Variants in TACC2 observed in about 807,000 individuals in gnomAD.
TACC2 encodes transforming acidic coiled-coil containing protein 2.
A neutral mutation model predicts 227.3 loss-of-function variants in TACC2; 137 were observed. That is an observed-to-expected ratio of 0.60 (90% CI 0.52 to 0.69). The LOEUF is 0.69. Among genes scored for constraint, TACC2 ranks in the 30% least tolerant of loss-of-function variants. The probability of loss-of-function intolerance (pLI) is 0.00; values close to 1 mark genes in which losing one functional copy is unlikely to be tolerated. For missense variants in TACC2, 3,470 were observed against 3,694.4 expected, an observed-to-expected ratio of 0.94 and a Z score of 1.57; for synonymous variants, 1,523 against 1,487.5, an observed-to-expected ratio of 1.02 and a Z score of -0.55.
At position 122,084,117 on chromosome 10, in the gene TACC2, A is replaced by G; in HGVS notation, c.1617A>G (p.Pro539=). The change falls in exon 4 of 23, where the codon CCA becomes CCG. Residue 539 remains proline, a synonymous_variant. Coordinates refer to ENST00000369005, the MANE Select transcript of TACC2 (RefSeq NM_206862.4). ...CACCCCCTCCTCTTCCCAAGGCACC[A>G]AGTGAAAGTGCCAGAGGGCCACCGG... is the stretch of plus-strand genomic sequence containing the variant. ...GAPPPPLPKA[P]SESARGPPGP... is the part of the protein sequence containing the mutation. 1 of 1,614,076 alleles carries G rather than the reference A, an allele frequency of 6.2e-7. No homozygotes were observed. Among genetic ancestry groups the G allele is most frequent in the Non-Finnish European group, 8.5e-7 (1 of 1,180,016 alleles).
intron 1 of TACC2, among the ~76,000 whole-genome samples, chr10:122,009,963 A>T (rs1473039407): frequency 1.3e-5 from 2 of 152,174 alleles, no homozygotes; most frequent in South Asian, 4.1e-4. Flanking sequence ...TTAAAAAGCT[A>T]TTTTTAATTT....
intron 7 of TACC2, among the ~76,000 whole-genome samples, chr10:122,170,356 C>T (rs1381427441): frequency 2.0e-5 from 3 of 148,020 alleles, no homozygotes; most frequent in African/African-American, 5.0e-5. Context: ...TTGCAGCCTC[C>T]GTCTCCTGGG....
intron 19 of TACC2, among the ~76,000 whole-genome samples, chr10:122,244,336 G>A (rs879261533): frequency 6.6e-6 from 1 of 152,194 alleles, no homozygotes; most frequent in Non-Finnish European, 1.5e-5. Context: ...ACACAGAGGG[G>A]CATCTCACTG....
At chr10:122,067,546 A>G (rs2461231) in intron 3 of TACC2, among the ~76,000 whole-genome samples, 134,944 of 145,942 alleles carry the variant, frequency 0.92, 63,075 homozygotes, top group East Asian at 1. Context: ...TTACTCTGTC[A>G]CCCAGGCTGG....
chr10:122,050,905 A>AGT lies in TACC2; in HGVS notation c.146+359_146+360dup, dbSNP rs909496395. The AGT allele has an allele frequency of 4.7e-6, 1 of 213,860 alleles. No homozygotes were observed. The highest frequency in any genetic ancestry group is 2.3e-5 in the African/African-American group (1 of 43,110). 13.2% of individuals were successfully genotyped at this position (213,860 alleles called of 1,614,324 possible). A position where few individuals can be genotyped will look rare whatever the true frequency, so the allele number is the denominator to read the frequency against. ...CGTGGCTAAGTGGAGTCTGTAACTC[A>AGT]GTGTGGTGGCCATTGCGGGCACTGG... On this transcript the variant is annotated intron_variant, in intron 3 of 22. Transcript: ENST00000369005. This position sits in a 1 kb window ranked among gnomAD's most constrained non-coding sequence, Gnocchi z 4.6.
At position 122,082,719 on chromosome 10, in the gene TACC2, G is replaced by T. The variant is rs1344864902; in HGVS notation, c.219G>T (p.Val73=). Residue 73 remains valine, a synonymous_variant, in exon 4 of 23, where the codon GTG becomes GTT. Coordinates refer to ENST00000369005, the MANE Select transcript of TACC2 (RefSeq NM_206862.4). The part of the protein sequence containing the change: ...ESSASLDPCL[V]SPEVTEPRKD... Reference sequence around the variant, plus strand: ...CTGCCAGCCTGGATCCATGCCTTGTGTCCCCAGAGGTGACTGAGCCAAGGA... The same window carrying T: ...CTGCCAGCCTGGATCCATGCCTTGTTTCCCCAGAGGTGACTGAGCCAAGGA... 5 of 1,614,074 alleles carry T rather than the reference G, an allele frequency of 3.1e-6. No individual in the cohort carries two copies. In the South Asian group the frequency reaches 5.5e-5, roughly 18 times the overall value.
intron 7 of TACC2, among the ~76,000 whole-genome samples, chr10:122,147,360 G>T (rs908133693): frequency 4.6e-5 from 7 of 152,124 alleles, no homozygotes; most frequent in Non-Finnish European, 1.0e-4. Flanking sequence ...GGCCAGGCTG[G>T]TCTCAAACTC....
At chr10:122,090,309 G>A (rs1033529544) in intron 5 of TACC2, among the ~76,000 whole-genome samples, 1 of 152,030 alleles carries the variant, frequency 6.6e-6, no homozygotes, top group Non-Finnish European at 1.5e-5. Context: ...CACTTTGGGA[G>A]ACCGAGGCAG....
In TACC2 at chr10:122,086,005, G is replaced by A. The variant is rs762596354; in HGVS notation, c.3505G>A (p.Gly1169Arg). The change falls in exon 4 of 23, where the codon GGG (glycine) becomes AGG (arginine). Residue 1169 changes from glycine (G) to arginine (R), a missense_variant. Gly to Arg is a moderately radical substitution (Grantham distance 125, BLOSUM62 -2). Coordinates refer to ENST00000369005, the MANE Select transcript of TACC2 (RefSeq NM_206862.4). ...TCAGACTGAGCACTGCCTTACCTCC[G>A]GGGAGGAAGCTTCTACCTCTGCCCT... ...LLQTEHCLTS[G>R]EEASTSALRE... 6.8e-6 allele frequency: 11 copies of A among 1,613,910 alleles called. No homozygotes were observed. Among genetic ancestry groups the A allele is most frequent in the South Asian group, 1.1e-5 (1 of 91,070 alleles).
intron 3 of TACC2, among the ~76,000 whole-genome samples, chr10:122,069,332 C>A (rs2136661568): frequency 6.6e-6 from 1 of 152,262 alleles, no homozygotes; most frequent in South Asian, 2.1e-4. Flanking sequence ...ATCTTCACCT[C>A]CCAGATTCAC....
intron 5 of TACC2, among the ~76,000 whole-genome samples, chr10:122,128,720 A>C (rs910885730): frequency 3.3e-5 from 5 of 152,256 alleles, no homozygotes; most frequent in Admixed American, 2.6e-4. Context: ...TATTTTACTT[A>C]CAAAAGTAGT....
intron 5 of TACC2, among the ~76,000 whole-genome samples, chr10:122,090,402 C>T (rs1344482737): frequency 6.6e-6 from 1 of 151,430 alleles, no homozygotes; most frequent in Admixed American, 6.6e-5. Context: ...AAAAAATTAG[C>T]TGGGTGTGGT....
At chr10:122,217,197 G>T (rs2095422986) in intron 11 of TACC2, among the ~76,000 whole-genome samples, 1 of 151,946 alleles carries the variant, frequency 6.6e-6, no homozygotes, top group Admixed American at 6.6e-5. Flanking sequence ...TCTCAGTGTA[G>T]GTCACTGACC....
intron 8 of TACC2, among the ~76,000 whole-genome samples, chr10:122,197,613 C>T (rs749242757): frequency 2.0e-4 from 31 of 152,238 alleles, no homozygotes; most frequent in Non-Finnish European, 3.4e-4. Flanking sequence ...GGGATGGAAA[C>T]GTTAATTGCT....
intron 7 of TACC2, among the ~76,000 whole-genome samples, chr10:122,182,820 G>A (rs12256838): frequency 0.012 from 1,861 of 152,246 alleles, 39 homozygotes; most frequent in African/African-American, 0.042. Flanking sequence ...TACAAGAGGC[G>A]GAGACTCAGG....
intron 7 of TACC2, among the ~76,000 whole-genome samples, chr10:122,167,475 T>G (rs2093240124): frequency 1.3e-5 from 2 of 152,218 alleles, no homozygotes; most frequent in African/African-American, 4.8e-5. Context: ...GGGAAGTTGA[T>G]GAGTTGGCTG....
chr10:122,153,884 G>C (rs1431755431), intron 7 of TACC2, among the ~76,000 whole-genome samples: 3 of 152,214 alleles, frequency 2.0e-5, no homozygotes, highest in East Asian at 3.8e-4. Flanking sequence ...GTCTGAGGAA[G>C]AGAGTTTAAT....
intron 6 of TACC2, among the ~76,000 whole-genome samples, chr10:122,138,378 CA>C (rs931876914): frequency 2.0e-5 from 3 of 152,096 alleles, no homozygotes; most frequent in Admixed American, 6.5e-5. Context: ...GGCGTGGTGG[CA>C]GGCATCTGTA....
At chr10:122,136,709 A>G (rs578070654) in intron 6 of TACC2, among the ~76,000 whole-genome samples, 145 of 151,940 alleles carry the variant, frequency 9.5e-4, no homozygotes, top group Non-Finnish European at 1.7e-3. Context: ...GTGCACCACC[A>G]TGTCTGGCTA....
Sources: allele counts gnomAD v4.1 joint callset (sites outside exome capture counted in the v4.1 genomes callset), GRCh38; gene constraint gnomAD v4.1.1; non-coding constraint Gnocchi (gnomAD v3.1); transcripts MANE v1.5; gene names NCBI Gene and HGNC (gene_info 2026-07-23, HGNC 2026-07-21).